LRRTM4: variants seen among roughly 807,000 people sequenced by gnomAD.
LRRTM4 encodes the protein leucine-rich repeat transmembrane neuronal protein 4.
Under a neutral mutation model 47.6 loss-of-function variants are expected in LRRTM4, and 25 were observed. The ratio of observed to expected loss-of-function variants is 0.53; its 90% CI spans 0.38 to 0.73. LRRTM4 has a LOEUF of 0.73. Among genes scored for constraint, LRRTM4 ranks in the 30% least tolerant of loss-of-function variants. The probability of loss-of-function intolerance (pLI) is 0.00; values close to 1 mark genes in which losing one functional copy is unlikely to be tolerated. For synonymous variants in LRRTM4, 311 were observed against 269.5 expected, an observed-to-expected ratio of 1.15 and a Z score of -1.51; for missense variants, 638 against 713.4, an observed-to-expected ratio of 0.89 and a Z score of 1.20.
chr2:76,748,998 G>A lies in LRRTM4; in HGVS notation c.1552-82C>T, dbSNP rs183017035. 3.9e-3 allele frequency: 4,573 copies of A among 1,158,176 alleles called. 57 individuals carry two copies. Among genetic ancestry groups the A allele is most frequent in the South Asian group, 0.027 (1,944 of 72,688 alleles). 71.7% of individuals were successfully genotyped at this position (1,158,176 alleles called of 1,614,324 possible). On this transcript the variant is annotated intron_variant, in intron 3 of 3. Coordinates refer to ENST00000409884, the MANE Select transcript of LRRTM4 (RefSeq NM_001134745.3). ...ACAGCACTCATCAGGTTGTATTTTTGTTCTCTTTCATGCTGTTTCAAGTCA... is the reference window on the plus strand; with the variant it reads ...ACAGCACTCATCAGGTTGTATTTTTATTCTCTTTCATGCTGTTTCAAGTCA...
At chr2:77,033,213 A>G (rs1678721722) in intron 3 of LRRTM4, among the ~76,000 whole-genome samples, 2 of 151,980 alleles carry the variant, frequency 1.3e-5, no homozygotes, top group Non-Finnish European at 1.5e-5. Context: ...TTTAAAACTC[A>G]TATTTTCTAA....
At chr2:76,918,505 C>G (rs921579384) in intron 3 of LRRTM4, among the ~76,000 whole-genome samples, 2 of 152,078 alleles carry the variant, frequency 1.3e-5, no homozygotes, top group Admixed American at 1.3e-4. Flanking sequence ...ATATATCTGG[C>G]TCATCACATA....
chr2:77,465,527 A>G (rs898959759), intron 3 of LRRTM4, among the ~76,000 whole-genome samples: 1 of 152,122 alleles, frequency 6.6e-6, no homozygotes, highest in African/African-American at 2.4e-5. Flanking sequence ...AAACATCAGA[A>G]GAGATCTTCT....
intron 3 of LRRTM4, among the ~76,000 whole-genome samples, chr2:77,418,739 G>T (rs1674745978): frequency 6.6e-6 from 1 of 152,146 alleles, no homozygotes; most frequent in African/African-American, 2.4e-5. Context: ...CTTCCAGCCT[G>T]AGTTGTTTTT....
chr2:77,129,038 G>C (rs538195734), intron 3 of LRRTM4, among the ~76,000 whole-genome samples: 3 of 152,276 alleles, frequency 2.0e-5, no homozygotes, highest in African/African-American at 7.2e-5. Flanking sequence ...CTTGCAAACA[G>C]GTATTTCCAA....
At position 77,518,890 on chromosome 2, in the gene LRRTM4, T is replaced by A. The variant is rs1335236303; in HGVS notation, c.979A>T (p.Lys327Ter). The change falls in exon 3 of 4, where the codon AAG becomes TAG. Residue 327 changes from lysine (K) to a stop codon, truncating the protein, a stop_gained. Transcript: ENST00000409884. LOFTEE classifies it high-confidence loss of function. ...RSICPLFYWL[K>*]NFKGNKESTM... is the part of the protein sequence containing the mutation. ...CTTTCCTTATTTCCTTTGAAATTCT[T>A]AAGCCAATAAAATAAAGGACAAATG... 6.2e-7 allele frequency: 1 copy of A among 1,604,966 alleles called. No individual in the cohort carries two copies. Among genetic ancestry groups the A allele is most frequent in the Non-Finnish European group, 8.5e-7 (1 of 1,175,010 alleles).
At chr2:77,038,384 GA>G (rs1317731473) in intron 3 of LRRTM4, among the ~76,000 whole-genome samples, 4 of 151,500 alleles carry the variant, frequency 2.6e-5, no homozygotes, top group Non-Finnish European at 4.4e-5. Context: ...TCCTAAAATA[GA>G]ATCTGCTTTG....
At chr2:77,043,371 A>G (rs548637480) in intron 3 of LRRTM4, among the ~76,000 whole-genome samples, 137 of 151,860 alleles carry the variant, frequency 9.0e-4, no homozygotes, top group Admixed American at 2.4e-3. Context: ...GGATTTGGGC[A>G]TTGTCTTCGC....
chr2:76,850,291 A>G (rs1047871759), intron 3 of LRRTM4, among the ~76,000 whole-genome samples: 5 of 152,240 alleles, frequency 3.3e-5, no homozygotes, highest in Non-Finnish European at 5.9e-5. Context: ...CTAAAGTTCA[A>G]TATTCTCCAT....
intron 3 of LRRTM4, among the ~76,000 whole-genome samples, chr2:76,857,001 A>C (rs573659578): frequency 6.6e-6 from 1 of 152,024 alleles, no homozygotes; most frequent in Non-Finnish European, 1.5e-5. Context: ...TTCTCTCTTA[A>C]TGTTCTAGTA....
intron 3 of LRRTM4, among the ~76,000 whole-genome samples, chr2:76,943,541 A>G (rs1439377976): frequency 6.6e-6 from 1 of 152,212 alleles, no homozygotes; most frequent in South Asian, 2.1e-4. Flanking sequence ...TGTGCCATAA[A>G]GAGTTGTCTA....
intron 3 of LRRTM4, among the ~76,000 whole-genome samples, chr2:77,223,964 A>G (rs1355380447): frequency 6.6e-6 from 1 of 152,140 alleles, no homozygotes; most frequent in Non-Finnish European, 1.5e-5. Context: ...AAACTATGCT[A>G]CAAGGCTACA....
chr2:77,315,314 G>A (rs1677588363), intron 3 of LRRTM4, among the ~76,000 whole-genome samples: 1 of 152,104 alleles, frequency 6.6e-6, no homozygotes, highest in African/African-American at 2.4e-5. Context: ...GGATGACATT[G>A]TAGAAGTGTT....
chr2:77,419,353 T>C (rs1406964852), intron 3 of LRRTM4, among the ~76,000 whole-genome samples: 1 of 152,184 alleles, frequency 6.6e-6, no homozygotes, highest in Non-Finnish European at 1.5e-5. Context: ...CTATGGGGGA[T>C]TGGTTCCAGA....
chr2:77,117,525 T>C (rs1048098999), intron 3 of LRRTM4, among the ~76,000 whole-genome samples: 1 of 151,804 alleles, frequency 6.6e-6, no homozygotes, highest in Non-Finnish European at 1.5e-5. Flanking sequence ...TTCTTTTTTT[T>C]CCCCAAAACC....
rs538490384 is a variant in LRRTM4, at chr2:77,135,764, T to A, written c.1551+382554A>T. On this transcript the variant is annotated intron_variant, in intron 3 of 3. Transcript: ENST00000409884. The stretch of plus-strand genomic sequence containing the variant: ...ATTGACTTTGAAGGCTTAAAAAATA[T>A]CTTGAAAGCTAGACCCCTGAAACTA... 7.9e-5 allele frequency among the ~76,000 whole-genome samples: 12 copies of A among 152,194 alleles called. No individual in the cohort carries two copies. In the East Asian group the frequency reaches 2.3e-3, roughly 30 times the overall value.
intron 3 of LRRTM4, among the ~76,000 whole-genome samples, chr2:76,926,510 G>GA (rs1282407795): frequency 6.6e-6 from 1 of 152,162 alleles, no homozygotes; most frequent in Non-Finnish European, 1.5e-5. Context: ...CTACCGAAAA[G>GA]CACATATTGG....
intron 3 of LRRTM4, among the ~76,000 whole-genome samples, chr2:77,003,169 GTTCTTAT>G (rs1379242650): frequency 7.0e-6 from 1 of 143,722 alleles, no homozygotes; most frequent in Admixed American, 6.6e-5. Context: ...AGCTTTTTAT[GTTCTTAT>G]TTGTTATTTT....
intron 3 of LRRTM4, among the ~76,000 whole-genome samples, chr2:77,487,696 G>A (rs914069364): frequency 1.3e-5 from 2 of 152,148 alleles, no homozygotes; most frequent in African/African-American, 4.8e-5. Context: ...GCCACCAAAG[G>A]CCTGAAGTCT....
Sources: allele counts gnomAD v4.1 joint callset (sites outside exome capture counted in the v4.1 genomes callset), GRCh38; gene constraint gnomAD v4.1.1; transcripts MANE v1.5; gene names NCBI Gene and HGNC (gene_info 2026-07-23, HGNC 2026-07-21).